CAPZB: variants seen among roughly 807,000 people sequenced by gnomAD.
The protein encoded by CAPZB is capping actin protein of muscle Z-line subunit beta.
In CAPZB, 2 loss-of-function variants were observed where a neutral mutation model predicts 38.1. That is an observed-to-expected ratio of 0.05 (90% CI 0.02 to 0.17). The LOEUF (loss-of-function observed/expected upper bound fraction) is 0.17. Ranked by LOEUF, CAPZB falls within the 10% of genes least tolerant of loss-of-function variation. CAPZB has a pLI of 1.00. For missense variants in CAPZB, 161 were observed against 334.2 expected, an observed-to-expected ratio of 0.48 and a Z score of 4.04; for synonymous variants, 107 against 127.4, an observed-to-expected ratio of 0.84 and a Z score of 1.08.
intron 2 of CAPZB, among the ~76,000 whole-genome samples, chr1:19,404,526 A>G (rs1346492206): frequency 2.1e-5 from 3 of 144,236 alleles, no homozygotes; most frequent in Non-Finnish European, 4.5e-5. Flanking sequence ...CCTGGGTGAC[A>G]GAGCAAAACT....
At chr1:19,436,611 T>C (rs114989748) in intron 1 of CAPZB, among the ~76,000 whole-genome samples, 5,017 of 152,216 alleles carry the variant, frequency 0.033, 275 homozygotes, top group African/African-American at 0.11. Flanking sequence ...GCATATAGGG[T>C]TCGATATTAT....
chr1:19,378,275 C>T (rs2094153723), intron 4 of CAPZB, among the ~76,000 whole-genome samples: 1 of 152,238 alleles, frequency 6.6e-6, no homozygotes, highest in Non-Finnish European at 1.5e-5. Flanking sequence ...GGGAACAGCA[C>T]ATAGTGAAGT....
chr1:19,339,789 G>A (rs918442986), intron 8 of CAPZB, among the ~76,000 whole-genome samples, 172 bp from the exon 9 acceptor site: 1 of 151,830 alleles, frequency 6.6e-6, no homozygotes, highest in African/African-American at 2.4e-5. Context: ...GGGGCAAAGG[G>A]GTACATGGCC....
intron 2 of CAPZB, among the ~76,000 whole-genome samples, chr1:19,412,532 C>A (rs2094361676): frequency 6.6e-6 from 1 of 152,174 alleles, no homozygotes; most frequent in African/African-American, 2.4e-5. Context: ...ATCCTTCCAC[C>A]TCAGCCTCCC....
intron 4 of CAPZB, 69 bp downstream of exon 4, chr1:19,378,471 A>T (rs2094154818): frequency 2.3e-6 from 2 of 878,870 alleles, no homozygotes; most frequent in Non-Finnish European, 3.9e-6. Flanking sequence ...TCCAGATAGA[A>T]CACTGCCACT....
intron 6 of CAPZB, among the ~76,000 whole-genome samples, chr1:19,346,760 C>T (rs2100256691): frequency 6.6e-6 from 1 of 151,272 alleles, no homozygotes; most frequent in South Asian, 2.1e-4. Context: ...TCGGGCAAAA[C>T]CGACCTGTGA....
At chr1:19,352,374 T>G (rs1056307560) in intron 6 of CAPZB, among the ~76,000 whole-genome samples, 7 of 152,218 alleles carry the variant, frequency 4.6e-5, no homozygotes, top group African/African-American at 1.7e-4. Context: ...TTTCTAAATA[T>G]TTAGAAGCTG....
intron 1 of CAPZB, 95 bp downstream of exon 1, chr1:19,485,341 G>A (rs1055118140): frequency 1.1e-6 from 1 of 912,368 alleles, no homozygotes; most frequent in African/African-American, 1.7e-5. Flanking sequence ...CCCACCCCGG[G>A]AAGCCACCCG....
At chr1:19,390,162 C>T (rs559542690) in intron 2 of CAPZB, among the ~76,000 whole-genome samples, 12 of 152,320 alleles carry the variant, frequency 7.9e-5, no homozygotes, top group African/African-American at 2.9e-4. Flanking sequence ...TCATCTGAAC[C>T]CCGGCCCCCG....
intron 1 of CAPZB, among the ~76,000 whole-genome samples, chr1:19,478,502 T>C (rs2094615059): frequency 6.6e-6 from 1 of 152,126 alleles, no homozygotes; most frequent in Non-Finnish European, 1.5e-5. Flanking sequence ...CACTAGAAAG[T>C]TGTAGGCAAA....
chr1:19,461,139 G>C (rs915500050), intron 1 of CAPZB, among the ~76,000 whole-genome samples: 1 of 152,094 alleles, frequency 6.6e-6, no homozygotes, highest in African/African-American at 2.4e-5. Context: ...GTGGCTCATG[G>C]GCTGAGCCTC....
chr1:19,381,452 T>C (rs1216796076), intron 3 of CAPZB, among the ~76,000 whole-genome samples: 1 of 152,030 alleles, frequency 6.6e-6, no homozygotes, highest in African/African-American at 2.4e-5. Flanking sequence ...ATGCTGCTGG[T>C]GGACCGAAGC....
At chr1:19,362,591 G>A (rs375035327) in intron 4 of CAPZB, among the ~76,000 whole-genome samples, 1 of 152,130 alleles carries the variant, frequency 6.6e-6, no homozygotes. Flanking sequence ...AGCACTTTGG[G>A]AGGCTGAGGT....
Position 19,356,852 on chromosome 1 carries a change from C to A in CAPZB, c.472-101G>T. 1.4e-6 allele frequency: 1 copy of A among 727,182 alleles called. No homozygotes were observed. The highest frequency in any genetic ancestry group is 2.4e-6 in the Non-Finnish European group (1 of 425,096). The allele number at this position is 727,182 out of a possible 1,614,324, so 45.0% of individuals were successfully genotyped here. The stretch of plus-strand genomic sequence containing the variant: ...CATCTCCCTTCCTAGGTCATTATCA[C>A]AATATTACCTTTTTTTTTTTTAAAT... On this transcript the variant is annotated intron_variant, in intron 5 of 8. Coordinates refer to ENST00000264202, the MANE Select transcript of CAPZB (RefSeq NM_004930.5). The surrounding 1 kb of genome is among the most constrained non-coding windows in gnomAD (Gnocchi z 4.3).
chr1:19,369,234 C>G (rs1026332552), intron 4 of CAPZB, among the ~76,000 whole-genome samples: 1 of 152,232 alleles, frequency 6.6e-6, no homozygotes, highest in African/African-American at 2.4e-5. Flanking sequence ...GGACAGGGGG[C>G]AACATGCAAG....
intron 1 of CAPZB, among the ~76,000 whole-genome samples, chr1:19,478,009 T>G (rs2094612987): frequency 6.6e-6 from 1 of 152,232 alleles, no homozygotes; most frequent in South Asian, 2.1e-4. Flanking sequence ...CTCAGGAGCA[T>G]CATGCTGAGT....
At chr1:19,388,008 T>G (rs962031994) in intron 2 of CAPZB, among the ~76,000 whole-genome samples, 4 of 152,204 alleles carry the variant, frequency 2.6e-5, no homozygotes, top group African/African-American at 9.7e-5. Context: ...AGACACAGGG[T>G]ACAAACGTAC....
intron 1 of CAPZB, chr1:19,484,385 GC>G: frequency 6.5e-7 from 1 of 1,534,176 alleles, no homozygotes; most frequent in Non-Finnish European, 8.8e-7. Context: ...ACCCATCCTC[GC>G]CCCTCGGCTC....
intron 1 of CAPZB, 124 bp downstream of exon 1, chr1:19,485,312 T>C (rs2094647446): frequency 3.2e-6 from 2 of 621,152 alleles, no homozygotes; most frequent in African/African-American, 1.9e-5. Context: ...CCACCCAGGG[T>C]CCGGGACCCC....
Sources: allele counts gnomAD v4.1 joint callset (sites outside exome capture counted in the v4.1 genomes callset), GRCh38; gene constraint gnomAD v4.1.1; non-coding constraint Gnocchi (gnomAD v3.1); transcripts MANE v1.5; gene names NCBI Gene and HGNC (gene_info 2026-07-23, HGNC 2026-07-21).